HEPH: variants seen among roughly 807,000 people sequenced by gnomAD.
The protein encoded by HEPH is hephaestin.
In HEPH, 69 loss-of-function variants were observed where a neutral mutation model predicts 80.8. The observed-to-expected ratio is 0.85, with a 90% CI of 0.70 to 1.04. The LOEUF (loss-of-function observed/expected upper bound fraction) is 1.04. Ranked by LOEUF, HEPH falls within the 50% of genes least tolerant of loss-of-function variation. HEPH has a pLI of 0.00. For missense variants in HEPH, 1,115 were observed against 891.3 expected, an observed-to-expected ratio of 1.25 and a Z score of -3.20; for synonymous variants, 431 against 322.8, an observed-to-expected ratio of 1.34 and a Z score of -3.60.
chrX:66,251,019 G>A (rs1415995211), intron 15 of HEPH, among the ~76,000 whole-genome samples: 1 of 111,624 alleles, frequency 9.0e-6, no homozygotes, highest in Non-Finnish European at 1.9e-5. Context: ...GAGTAGCTGG[G>A]ATTACAGGTG....
intron 15 of HEPH, 105 bp from the exon 16 acceptor site, chrX:66,254,930 T>G: frequency 2.3e-6 from 1 of 440,490 alleles, no homozygotes; most frequent in East Asian, 3.7e-5. Context: ...TGAAGAAAGA[T>G]CCTAAAGAAG....
In HEPH at chrX:66,188,540, T is replaced by C; in HGVS notation, c.807T>C (p.His269=). ...DETFQESNRM[H]AINGFVFGNL... is the part of the protein sequence containing the mutation. Reference sequence around the variant, plus strand: ...CATTTCAGGAGAGCAATAGGATGCATGGTGAGTTGGGAAAAGGTGGCCACA... The same window carrying C: ...CATTTCAGGAGAGCAATAGGATGCACGGTGAGTTGGGAAAAGGTGGCCACA... The change falls in exon 5 of 21, where the codon CAT becomes CAC. Residue 269 remains histidine (H), a splice_region_variant and synonymous_variant. Transcript: ENST00000343002. 8.3e-7 allele frequency: 1 copy of C among 1,202,846 alleles called. No homozygotes were observed. The highest frequency in any genetic ancestry group is 1.7e-5 in the African/African-American group (1 of 57,691).
Position 66,256,178 on chromosome X carries a change from G to C in HEPH, c.2744G>C (p.Ser915Thr), listed in dbSNP as rs752708727. The C allele has an allele frequency of 2.7e-5, 33 of 1,210,082 alleles. No individual in the cohort carries two copies. The highest frequency in any genetic ancestry group is 4.4e-5 in the Admixed American group (2 of 45,818). ...KGILEPHGGR[S>T]DMDREFALLF... ...ATCCTGGAGCCCCATGGAGGACGGA[G>C]TGACATGGATCGGGAATTTGCATTG... The change falls in exon 17 of 21, where the codon AGT becomes ACT. Residue 915 changes from serine to threonine, a missense_variant. Around this residue, in one of 3 missense-constraint regions of HEPH, gnomAD observed 716 missense variants for 523.5 expected, o/e 1.37. Transcript: ENST00000343002.
intron 4 of HEPH, among the ~76,000 whole-genome samples, chrX:66,177,039 A>C (rs1473206986): frequency 9.0e-6 from 1 of 111,520 alleles, no homozygotes; most frequent in Non-Finnish European, 1.9e-5. Flanking sequence ...CAACCTACAG[A>C]ATGGAAGAAA....
At chrX:66,252,367 T>G (rs1362413163) in intron 15 of HEPH, among the ~76,000 whole-genome samples, 2 of 111,679 alleles carry the variant, frequency 1.8e-5, no homozygotes, top group African/African-American at 6.5e-5. Context: ...GAGAAGTTCA[T>G]GTAAACAGAA....
In HEPH at chrX:66,224,949, A is replaced by T. The variant is rs776208197; in HGVS notation, c.2563+16703A>T. 2.3e-4 allele frequency among the ~76,000 whole-genome samples: 24 copies of T among 104,735 alleles called. No homozygotes were observed. In the South Asian group the frequency reaches 9.5e-3, roughly 41 times the overall value. The allele number at this position is 104,735 out of a possible 115,157, so 90.9% of individuals were successfully genotyped here. A position where few individuals can be genotyped will look rare whatever the true frequency, so the allele number is the denominator to read the frequency against. ...TCTCTCTTTCTCTCTCTCTCTGCTG[A>T]TCTTTCCTTACCTCTGCCAGCTGCT... is the stretch of plus-strand genomic sequence containing the variant. On this transcript the variant is annotated intron_variant, in intron 15 of 20. Coordinates refer to ENST00000343002, the MANE Select transcript of HEPH (RefSeq NM_001367233.3).
chrX:66,265,252 A>T (rs1405932766), intron 20 of HEPH, among the ~76,000 whole-genome samples: 1 of 110,971 alleles, frequency 9.0e-6, no homozygotes, highest in Non-Finnish European at 1.9e-5. Flanking sequence ...GGTACCAGGG[A>T]TATCAAAATA....
chrX:66,212,926 C>T (rs753695095), intron 15 of HEPH, among the ~76,000 whole-genome samples: 200 of 109,813 alleles, frequency 1.8e-3, no homozygotes, highest in African/African-American at 6.0e-3. Flanking sequence ...ACAATATGGT[C>T]ATTTTAATGA....
chrX:66,190,004 G>A (rs2087706964), intron 6 of HEPH, 66 bp downstream of exon 6: 5 of 1,071,773 alleles, frequency 4.7e-6, no homozygotes, highest in Non-Finnish European at 6.2e-6. Flanking sequence ...AAGGGAGGCT[G>A]GGTTTCTGGC....
At chrX:66,167,226 A>G (rs2086409684) in intron 1 of HEPH, among the ~76,000 whole-genome samples, 1 of 112,039 alleles carries the variant, frequency 8.9e-6, no homozygotes, top group Admixed American at 9.5e-5. Flanking sequence ...CTTATCTCTC[A>G]AGATCTTGAG....
At chrX:66,230,207 G>A (rs1157326327) in intron 15 of HEPH, among the ~76,000 whole-genome samples, 3 of 86,720 alleles carry the variant, frequency 3.5e-5, no homozygotes, top group Non-Finnish European at 6.6e-5. Context: ...CCAAGTCTTT[G>A]CTATTGTGAA....
At chrX:66,253,928 G>A in intron 15 of HEPH, among the ~76,000 whole-genome samples, 1 of 111,413 alleles carries the variant, frequency 9.0e-6, no homozygotes, top group South Asian at 3.8e-4. Context: ...ATTACCTTGG[G>A]TGGGGTGGGG....
At position 66,254,293 on chromosome X, in the gene HEPH, A is replaced by G. The variant is rs188862543; in HGVS notation, c.2564-742A>G. Among the ~76,000 whole-genome samples the G allele has an allele frequency of 1.2e-3, 128 of 111,251 alleles. 2 individuals are homozygous for G. Among genetic ancestry groups the G allele is most frequent in the Admixed American group, 3.5e-3 (37 of 10,434 alleles). On this transcript the variant is annotated intron_variant, in intron 15 of 20. Transcript: ENST00000343002. The stretch of plus-strand genomic sequence containing the variant: ...TGGTTCTAAAATATAGGGTAGAGGT[A>G]TAATCAATAAGACCTGCCATTTGGT...
At chrX:66,171,028 CT>C (rs774766053) in intron 2 of HEPH, 24 of 296,157 alleles carry the variant, frequency 8.1e-5, no homozygotes, top group African/African-American at 6.5e-4. Flanking sequence ...AACTGTTTGA[CT>C]TTAAAAAAGA....
intron 17 of HEPH, 114 bp from the exon 18 acceptor site, chrX:66,258,726 A>G: frequency 1.9e-6 from 1 of 531,297 alleles, no homozygotes; most frequent in Non-Finnish European, 2.8e-6. Context: ...TTAGAAGCCC[A>G]TTGCTATCTT....
rs777028982 is a variant in HEPH, at chrX:66,261,116, TTCAAA to T, written c.3199+856_3199+860del. ...TAGGCAGGGTTTTGCCTAGGCTGGTTTCAAATTTCTGGGCTCAAACCATCCTTCCA... is the reference window on the plus strand; with the variant it reads ...TAGGCAGGGTTTTGCCTAGGCTGGTTTTTCTGGGCTCAAACCATCCTTCCA... On this transcript the variant is annotated intron_variant, in intron 19 of 20. Coordinates refer to ENST00000343002, the MANE Select transcript of HEPH (RefSeq NM_001367233.3). Among the ~76,000 whole-genome samples, 48 of 110,539 alleles carry T rather than the reference TTCAAA, an allele frequency of 4.3e-4. No individual in the cohort carries two copies. In the South Asian group the frequency reaches 0.018, roughly 42 times the overall value.
intron 17 of HEPH, among the ~76,000 whole-genome samples, chrX:66,258,254 A>G (rs2091245154): frequency 8.9e-6 from 1 of 112,034 alleles, no homozygotes; most frequent in South Asian, 3.7e-4. Context: ...TCATGCAGAC[A>G]GTACTGGAGG....
At chrX:66,176,720 A>G (rs1466325827) in intron 4 of HEPH, among the ~76,000 whole-genome samples, 1 of 110,625 alleles carries the variant, frequency 9.0e-6, no homozygotes, top group African/African-American at 3.3e-5. Context: ...TCATTGTTCA[A>G]TTCCCACCTA....
intron 13 of HEPH, among the ~76,000 whole-genome samples, chrX:66,204,689 C>G (rs1188524138): frequency 9.0e-6 from 1 of 111,599 alleles, no homozygotes; most frequent in Non-Finnish European, 1.9e-5. Context: ...ATTTAAGCCA[C>G]AATTGAATTA....
Sources: allele counts gnomAD v4.1 joint callset (sites outside exome capture counted in the v4.1 genomes callset), GRCh38; gene constraint gnomAD v4.1.1; regional missense constraint gnomAD v4.1.1; transcripts MANE v1.5; gene names NCBI Gene and HGNC (gene_info 2026-07-23, HGNC 2026-07-21).